DCP2: variants seen among roughly 807,000 people sequenced by gnomAD.
DCP2 encodes the protein decapping mRNA 2, also known as m7GpppN-mRNA hydrolase.
In DCP2, 30 loss-of-function variants were observed where a neutral mutation model predicts 56.1. The ratio of observed to expected loss-of-function variants is 0.53; its 90% CI spans 0.40 to 0.73. DCP2 has a LOEUF of 0.73. DCP2 is among the 30% of genes least tolerant of loss of function. DCP2 has a pLI of 0.00. For missense variants in DCP2, 533 were observed against 502.7 expected, an observed-to-expected ratio of 1.06 and a Z score of -0.58; for synonymous variants, 197 against 163.3, an observed-to-expected ratio of 1.21 and a Z score of -1.57.
In DCP2 at chr5:113,021,559, C is replaced by G. The variant is rs1175546087; in HGVS notation, c.*8075C>G. On this transcript the variant is annotated 3_prime_UTR_variant, in exon 11 of 11. Transcript: ENST00000389063. ...GCAATTCTTAAGTTTGTGCTAGAAT[C>G]AGGTTTTGCAATAGGAATACTTAAC... Among the ~76,000 whole-genome samples the G allele has an allele frequency of 6.6e-6, 1 of 152,126 alleles. No homozygotes were observed. The highest frequency in any genetic ancestry group is 1.5e-5 in the Non-Finnish European group (1 of 68,026).
At position 113,014,080 on chromosome 5, in the gene DCP2, C is replaced by T. The variant is rs1749787772; in HGVS notation, c.*596C>T. On this transcript the variant is annotated 3_prime_UTR_variant, in exon 11 of 11. Coordinates refer to ENST00000389063, the MANE Select transcript of DCP2 (RefSeq NM_152624.6). ...ATAATGTGCATGTCCAAAATGAACT[C>T]AGCGCTTCAAAAGGACAAAGTCTGT... is the stretch of plus-strand genomic sequence containing the variant. 1 of 152,258 alleles carries T rather than the reference C, an allele frequency of 6.6e-6. No individual in the cohort carries two copies. The highest frequency in any genetic ancestry group is 2.1e-4 in the South Asian group (1 of 4,832). 9.4% of individuals were successfully genotyped at this position (152,258 alleles called of 1,614,324 possible).
Position 113,014,877 on chromosome 5 carries a change from A to G in DCP2, c.*1393A>G, listed in dbSNP as rs772184133. Reference sequence around the variant, plus strand: ...AATCTTTATTCTGTGTAGGTAGCCTATTTAATTGGGTTCCACTGAACCTCA... The same window carrying G: ...AATCTTTATTCTGTGTAGGTAGCCTGTTTAATTGGGTTCCACTGAACCTCA... On this transcript the variant is annotated 3_prime_UTR_variant, in exon 11 of 11. Transcript: ENST00000389063. 2 of 152,658 alleles carry G rather than the reference A, an allele frequency of 1.3e-5. No individual in the cohort carries two copies. Among genetic ancestry groups the G allele is most frequent in the African/African-American group, 2.4e-5 (1 of 41,452 alleles). 9.5% of individuals were successfully genotyped at this position (152,658 alleles called of 1,614,324 possible). A position where few individuals can be genotyped will look rare whatever the true frequency, so the allele number is the denominator to read the frequency against.
In DCP2 at chr5:113,010,914, A is replaced by G. The variant is rs550220199; in HGVS notation, c.1099+107A>G. On this transcript the variant is annotated intron_variant, in intron 10 of 10. Transcript: ENST00000389063. ...TGTGATCTGTGATAGTTAAGCAGGA[A>G]GAGTTGCATATGTTCTGTAGAAAGA... The G allele has an allele frequency of 2.5e-5, 29 of 1,167,938 alleles. 1 individual carries two copies. The South Asian group carries it at 4.1e-4, about 17-fold the overall frequency. 72.3% of individuals were successfully genotyped at this position (1,167,938 alleles called of 1,614,324 possible).
At chr5:112,998,650 A>G (rs966555476) in intron 4 of DCP2, among the ~76,000 whole-genome samples, 2 of 152,240 alleles carry the variant, frequency 1.3e-5, no homozygotes, top group Non-Finnish European at 2.9e-5. Flanking sequence ...TACATTGAGG[A>G]TGAGATAGTG....
rs984252692 is a variant in DCP2, at chr5:113,001,115, A to G, written c.464A>G (p.Asp155Gly). ...VFEETGFDIK[D>G]YICKDDYIEL... ...GAAGAAACTGGTTTTGATATCAAAG[A>G]CTATATTTGTAAGGATGATTACATT... Residue 155 changes from aspartate (D) to glycine (G), a missense_variant, in exon 5 of 11, where the codon GAC (aspartate) becomes GGC (glycine). Physicochemically the swap from Asp to Gly is moderately conservative, Grantham distance 94. Transcript: ENST00000389063. The G allele has an allele frequency of 6.2e-7, 1 of 1,610,162 alleles. No individual in the cohort carries two copies. The highest frequency in any genetic ancestry group is 1.3e-5 in the African/African-American group (1 of 74,802).
At position 113,017,730 on chromosome 5, in the gene DCP2, T is replaced by G. The variant is rs1396871780; in HGVS notation, c.*4246T>G. ...GGCAAAGAGTGTAAGAAAGAAACTT[T>G]AGAGCATTTATCAATACTTGAGTGC... On this transcript the variant is annotated 3_prime_UTR_variant, in exon 11 of 11. Coordinates refer to ENST00000389063, the MANE Select transcript of DCP2 (RefSeq NM_152624.6). 6.6e-6 allele frequency: 1 copy of G among 152,198 alleles called. No individual in the cohort carries two copies. Among genetic ancestry groups the G allele is most frequent in the Non-Finnish European group, 1.5e-5 (1 of 68,036 alleles). 9.4% of individuals were successfully genotyped at this position (152,198 alleles called of 1,614,324 possible).
At chr5:112,994,465 C>G (rs1163280251) in intron 4 of DCP2, among the ~76,000 whole-genome samples, 2 of 152,142 alleles carry the variant, frequency 1.3e-5, no homozygotes, top group Non-Finnish European at 2.9e-5. Flanking sequence ...AGCCACTGTG[C>G]CCAGCCTTCA....
In DCP2 at chr5:113,001,623, G is replaced by A. The variant is rs1222594513; in HGVS notation, c.755G>A (p.Gly252Glu). The A allele has an allele frequency of 6.2e-7, 1 of 1,614,176 alleles. No homozygotes were observed. The highest frequency in any genetic ancestry group is 8.5e-7 in the Non-Finnish European group (1 of 1,180,018). The change falls in exon 7 of 11, where the codon GGA (glycine) becomes GAA (glutamate). Residue 252 changes from glycine to glutamate, a missense_variant. Transcript: ENST00000389063. ...RFGDSSDSDNGFSSTGSTPAK... is the reference protein window; with the variant it reads ...RFGDSSDSDNEFSSTGSTPAK... ...GGCGATTCCTCAGACAGTGACAATGGATTTTCCTCAACTGGTAGCACGCCG... is the reference window on the plus strand; with the variant it reads ...GGCGATTCCTCAGACAGTGACAATGAATTTTCCTCAACTGGTAGCACGCCG...
At position 113,015,386 on chromosome 5, in the gene DCP2, T is replaced by C. The variant is rs1402615206; in HGVS notation, c.*1902T>C. On this transcript the variant is annotated 3_prime_UTR_variant, in exon 11 of 11. Transcript: ENST00000389063. ...GTTTTTTTTTTTCTTTTTAAGTGCA[T>C]ACTTTGGCCAGTCTTCCTGGTGCCT... is the stretch of plus-strand genomic sequence containing the variant. 1 of 152,338 alleles carries C rather than the reference T, an allele frequency of 6.6e-6. No individual in the cohort carries two copies. Among genetic ancestry groups the C allele is most frequent in the Non-Finnish European group, 1.5e-5 (1 of 67,972 alleles). The allele number at this position is 152,338 out of a possible 1,614,324, so 9.4% of individuals were successfully genotyped here. A position where few individuals can be genotyped will look rare whatever the true frequency, so the allele number is the denominator to read the frequency against.
At chr5:112,984,932 A>AT in intron 1 of DCP2, among the ~76,000 whole-genome samples, 1 of 151,634 alleles carries the variant, frequency 6.6e-6, no homozygotes, top group Middle Eastern at 3.4e-3. Context: ...TCTTATGCTT[A>AT]TTTGAAACTT....
Position 112,992,735 on chromosome 5 carries a change from AAAG to A in DCP2, c.404_406del (p.Glu135del). On this transcript the variant is annotated inframe_deletion, in exon 4 of 11. Coordinates refer to ENST00000389063, the MANE Select transcript of DCP2 (RefSeq NM_152624.6). ...GGGATTTCCAAAAGGAAAAGTAAAT[AAAG>A]AAGAAGCTCCTCATGATTGTGCTGC... 2 of 1,592,234 alleles carry A rather than the reference AAAG, an allele frequency of 1.3e-6. No homozygotes were observed. Among genetic ancestry groups the A allele is most frequent in the Non-Finnish European group, 1.7e-6 (2 of 1,174,552 alleles).
rs1447703978 is a variant in DCP2, at chr5:113,010,793, A to T, written c.1085A>T (p.Asp362Val). Residue 362 changes from aspartate (D) to valine (V), a missense_variant, in exon 10 of 11, where the codon GAT becomes GTT. Around this residue, in one of 3 missense-constraint regions of DCP2, gnomAD observed 392 missense variants for 346.6 expected, o/e 1.13. Transcript: ENST00000389063. ...AAACTTCATCCACGGAAACTTCAGG[A>T]TAATTTTGAAACAGGCAAGTCATTT... ...EKKLHPRKLQDNFETDAVYDL... is the reference protein window; with the variant it reads ...EKKLHPRKLQVNFETDAVYDL... 1.3e-6 allele frequency: 2 copies of T among 1,597,532 alleles called. No homozygotes were observed. Among genetic ancestry groups the T allele is most frequent in the East Asian group, 4.5e-5 (2 of 44,392 alleles).
At chr5:113,000,420 A>ACACACCCC (rs1554100634) in intron 4 of DCP2, among the ~76,000 whole-genome samples, 2,251 of 146,742 alleles carry the variant, frequency 0.015, 71 homozygotes, top group East Asian at 0.052. Flanking sequence ...ACACACACAC[A>ACACACCCC]CACACCCACA....
In DCP2 at chr5:113,019,982, T is replaced by C. The variant is rs1029050155; in HGVS notation, c.*6498T>C. ...GTGGTAAGACTTGACTTTTTAATACTGTGCCTATTTCCAAAAGAAGACTTG... is the reference window on the plus strand; with the variant it reads ...GTGGTAAGACTTGACTTTTTAATACCGTGCCTATTTCCAAAAGAAGACTTG... On this transcript the variant is annotated 3_prime_UTR_variant, in exon 11 of 11. Transcript: ENST00000389063. The C allele has an allele frequency of 1.3e-5, 2 of 152,246 alleles. No individual in the cohort carries two copies. Among genetic ancestry groups the C allele is most frequent in the Non-Finnish European group, 2.9e-5 (2 of 68,028 alleles). The allele number at this position is 152,246 out of a possible 1,614,324, so 9.4% of individuals were successfully genotyped here.
Position 113,014,706 on chromosome 5 carries a change from T to A in DCP2, c.*1222T>A, listed in dbSNP as rs562971176. On this transcript the variant is annotated 3_prime_UTR_variant, in exon 11 of 11. Transcript: ENST00000389063. The stretch of plus-strand genomic sequence containing the variant: ...GTTAAGGGGGCTTTAGTGTTTTGGC[T>A]GCATCTGACCTCATTGAAGGAATTT... 6.6e-6 allele frequency: 1 copy of A among 152,668 alleles called. No homozygotes were observed. Among genetic ancestry groups the A allele is most frequent in the Admixed American group, 6.5e-5 (1 of 15,284 alleles). The allele number at this position is 152,668 out of a possible 1,614,324, so 9.5% of individuals were successfully genotyped here.
At chr5:112,978,314 ATTGTT>A (rs1747823243) in intron 1 of DCP2, among the ~76,000 whole-genome samples, 1 of 152,056 alleles carries the variant, frequency 6.6e-6, no homozygotes, top group South Asian at 2.1e-4. Context: ...CTTTACATGT[ATTGTT>A]TTATTTAATC....
At chr5:112,980,149 T>C (rs560066322) in intron 1 of DCP2, among the ~76,000 whole-genome samples, 1 of 152,320 alleles carries the variant, frequency 6.6e-6, no homozygotes, top group South Asian at 2.1e-4. Context: ...AAATACAGAG[T>C]TTTTCAGTAC....
intron 4 of DCP2, among the ~76,000 whole-genome samples, chr5:112,998,159 T>C (rs986635682): frequency 6.6e-6 from 1 of 152,266 alleles, no homozygotes; most frequent in African/African-American, 2.4e-5. Flanking sequence ...AAATCTGTTT[T>C]ATCACTTTTA....
chr5:113,014,123 G>A lies in DCP2; in HGVS notation c.*639G>A, dbSNP rs987621315. On this transcript the variant is annotated 3_prime_UTR_variant, in exon 11 of 11. Transcript: ENST00000389063. ...AAGTCTGTAGCCTGGAGGGGCTTGA[G>A]TGGATGGGAGCTGATGCTGTGATTT... is the stretch of plus-strand genomic sequence containing the variant. 1 of 152,366 alleles carries A rather than the reference G, an allele frequency of 6.6e-6. No homozygotes were observed. The highest frequency in any genetic ancestry group is 1.5e-5 in the Non-Finnish European group (1 of 68,168). 9.4% of individuals were successfully genotyped at this position (152,366 alleles called of 1,614,324 possible). A position where few individuals can be genotyped will look rare whatever the true frequency, so the allele number is the denominator to read the frequency against.
Sources: allele counts gnomAD v4.1 joint callset (sites outside exome capture counted in the v4.1 genomes callset), GRCh38; gene constraint gnomAD v4.1.1; regional missense constraint gnomAD v4.1.1; transcripts MANE v1.5; gene names NCBI Gene and HGNC (gene_info 2026-07-23, HGNC 2026-07-21).